ZFC3H1: variants seen among roughly 807,000 people sequenced by gnomAD.
The protein encoded by ZFC3H1 is zinc finger C3H1-type containing.
A neutral mutation model predicts 243.7 loss-of-function variants in ZFC3H1; 71 were observed. That is an observed-to-expected ratio of 0.29 (90% CI 0.24 to 0.36). The LOEUF (loss-of-function observed/expected upper bound fraction) is 0.36, where lower values mean the gene tolerates loss of function less well. ZFC3H1 is among the 10% of genes least tolerant of loss of function. The probability of loss-of-function intolerance (pLI) is 1.00; values close to 1 mark genes in which losing one functional copy is unlikely to be tolerated. For synonymous variants in ZFC3H1, 838 were observed against 813.0 expected (o/e 1.03, Z -0.52); for missense variants, 1,966 against 2,317.1 (o/e 0.85, Z 3.11).
chr12:71,635,514 C>T lies in ZFC3H1; in HGVS notation c.2167G>A (p.Ala723Thr), dbSNP rs748526130. The change falls in exon 10 of 35, where the codon GCT becomes ACT. Residue 723 changes from alanine (A) to threonine (T), a missense_variant. Around this residue, in one of 4 missense-constraint regions of ZFC3H1, gnomAD observed 1,383 missense variants for 1,723.7 expected, o/e 0.80. Coordinates refer to ENST00000378743, the MANE Select transcript of ZFC3H1 (RefSeq NM_144982.5). Reference sequence around the variant, plus strand: ...AAAACACTATTTGTTGACTTGGAAGCCTCTCCATCAGATTCACTATCATCT... The same window carrying T: ...AAAACACTATTTGTTGACTTGGAAGTCTCTCCATCAGATTCACTATCATCT... ...DSDDSESDGE[A>T]SKSTNSVFGG... 38 of 1,566,982 alleles carry T rather than the reference C, an allele frequency of 2.4e-5. 1 individual carries two copies. In the African/African-American group the frequency reaches 4.1e-4, roughly 17 times the overall value.
chr12:71,620,349 T>C, intron 24 of ZFC3H1, 34 bp from the exon 25 acceptor site: 2 of 1,601,732 alleles, frequency 1.2e-6, no homozygotes, highest in South Asian at 2.2e-5. Flanking sequence ...ATGAATCACG[T>C]CAATCATAAA....
chr12:71,619,367 C>G lies in ZFC3H1; in HGVS notation c.5092G>C (p.Ala1698Pro). Reference protein sequence around the residue: ...NLLPFLRKFIASFFKPGFEKY... With the variant: ...NLLPFLRKFIPSFFKPGFEKY... Reference sequence around the variant, plus strand: ...TCAAACCCCGGTTTAAAGAAGGATGCAATAAATTTCCGCAAAAATGGAAGA... The same window carrying G: ...TCAAACCCCGGTTTAAAGAAGGATGGAATAAATTTCCGCAAAAATGGAAGA... Residue 1698 changes from alanine (A) to proline (P), a missense_variant, in exon 27 of 35, where the codon GCA (alanine) becomes CCA (proline). Transcript: ENST00000378743. 1 of 1,613,372 alleles carries G rather than the reference C, an allele frequency of 6.2e-7. No homozygotes were observed. The highest frequency in any genetic ancestry group is 8.5e-7 in the Non-Finnish European group (1 of 1,179,730).
Position 71,615,300 on chromosome 12 carries a change from G to A in ZFC3H1, c.5161C>T (p.Pro1721Ser), listed in dbSNP as rs756350822. The part of the protein sequence containing the change: ...LDLFRYLLNI[P>S]GPIDIPSRLC... ...CGAGATGGAATGTCAATTGGTCCTG[G>A]AATATTTAAGAGATACCTGAAAAAA... is the stretch of plus-strand genomic sequence containing the variant. Residue 1721 changes from proline to serine, a missense_variant, in exon 28 of 35, where the codon CCA becomes TCA. Pro to Ser is a moderately conservative substitution (Grantham distance 74). This residue lies in a region of ZFC3H1 where 1,383 missense variants were observed against 1,723.7 expected (regional missense o/e 0.80). Coordinates refer to ENST00000378743, the MANE Select transcript of ZFC3H1 (RefSeq NM_144982.5). The A allele has an allele frequency of 3.1e-6, 5 of 1,608,728 alleles. No homozygotes were observed. The South Asian group carries it at 4.4e-5, about 14-fold the overall frequency.
In ZFC3H1 at chr12:71,645,066, C is replaced by T; in HGVS notation, c.1090G>A (p.Glu364Lys). 1 of 1,595,254 alleles carries T rather than the reference C, an allele frequency of 6.3e-7. No individual in the cohort carries two copies. Among genetic ancestry groups the T allele is most frequent in the Middle Eastern group, 1.8e-4 (1 of 5,572 alleles). Residue 364 changes from glutamate to lysine, a missense_variant, in exon 4 of 35, where the codon GAA becomes AAA. Physicochemically the swap from Glu to Lys is moderately conservative, Grantham distance 56. Transcript: ENST00000378743. ...AATTCAGATAGTTCCTCTTCATCTTCACCAAGTTTCTTTAAAGCAAAAAGA... is the reference window on the plus strand; with the variant it reads ...AATTCAGATAGTTCCTCTTCATCTTTACCAAGTTTCTTTAAAGCAAAAAGA... ...SDILSEKKLG[E>K]DEEELSELQL...
chr12:71,661,535 T>C (rs1474546994), intron 1 of ZFC3H1, among the ~76,000 whole-genome samples: 1 of 145,130 alleles, frequency 6.9e-6, no homozygotes, highest in South Asian at 2.2e-4. Context: ...CAGGATGGAG[T>C]GCAGTGGTGC....
rs761708297 is a variant in ZFC3H1, at chr12:71,632,222, G to C, written c.3110C>G (p.Ser1037Cys). The change falls in exon 15 of 35, where the codon TCT becomes TGT. Residue 1037 changes from serine to cysteine, a missense_variant. Physicochemically the swap from Ser to Cys is moderately radical, Grantham distance 112 (BLOSUM62 -1). This residue lies in a region of ZFC3H1 where 1,383 missense variants were observed against 1,723.7 expected (regional missense o/e 0.80). Transcript: ENST00000378743. ...TCTTCTTCGCTCTCTGCTTGAACCA[G>C]ACAAAATTTCATCATCAACATCATT... ...EENDVDDEILSGSSRERRRSF... is the reference protein window; with the variant it reads ...EENDVDDEILCGSSRERRRSF... 1 of 1,611,216 alleles carries C rather than the reference G, an allele frequency of 6.2e-7. No homozygotes were observed. Among genetic ancestry groups the C allele is most frequent in the African/African-American group, 1.3e-5 (1 of 74,746 alleles).
At chr12:71,610,921 C>T in intron 33 of ZFC3H1, 137 bp downstream of exon 33, 1 of 1,442,076 alleles carries the variant, frequency 6.9e-7, no homozygotes. Context: ...ATGTTAACTA[C>T]TTTTGTTTCC....
chr12:71,631,762 A>G lies in ZFC3H1; in HGVS notation c.3470+16T>C. On this transcript the variant is annotated intron_variant, in intron 16 of 34. Transcript: ENST00000378743. Reference sequence around the variant, plus strand: ...GAAATCCTGAAATTCAAGCTTATTGAATCTTTCTTTTATACCTGTAGGACT... The same window carrying G: ...GAAATCCTGAAATTCAAGCTTATTGGATCTTTCTTTTATACCTGTAGGACT... The G allele has an allele frequency of 6.4e-7, 1 of 1,557,622 alleles. No individual in the cohort carries two copies.
At position 71,613,386 on chromosome 12, in the gene ZFC3H1, G is replaced by A. The variant is rs1215126067; in HGVS notation, c.5576C>T (p.Thr1859Ile). 3 of 1,609,890 alleles carry A rather than the reference G, an allele frequency of 1.9e-6. No individual in the cohort carries two copies. Among genetic ancestry groups the A allele is most frequent in the Admixed American group, 1.7e-5 (1 of 59,722 alleles). ...SCVPKTQHSK[T>I]LERFCSVMPA... ...CATAACTGAACAAAACCGTTCCAAG[G>A]TTTTGGAATGCTGGGTCTTTGGAAC... The change falls in exon 31 of 35, where the codon ACC becomes ATC. Residue 1859 changes from threonine (T) to isoleucine (I), a missense_variant. This residue lies in a region of ZFC3H1 where 1,383 missense variants were observed against 1,723.7 expected (regional missense o/e 0.80). Coordinates refer to ENST00000378743, the MANE Select transcript of ZFC3H1 (RefSeq NM_144982.5).
At chr12:71,616,175 A>G (rs961403738) in intron 27 of ZFC3H1, among the ~76,000 whole-genome samples, 1 of 152,162 alleles carries the variant, frequency 6.6e-6, no homozygotes, top group Non-Finnish European at 1.5e-5. Flanking sequence ...ATGCACACCT[A>G]CAGTCCCAGC....
At chr12:71,656,811 A>C (rs2137563210) in intron 2 of ZFC3H1, 74 bp downstream of exon 2, 1 of 1,418,820 alleles carries the variant, frequency 7.0e-7, no homozygotes, top group East Asian at 2.3e-5. Context: ...TCAATGAAGT[A>C]CACTGCCAAA....
At chr12:71,610,780 A>G in intron 33 of ZFC3H1, 23 bp from the exon 34 acceptor site, 1 of 1,600,800 alleles carries the variant, frequency 6.2e-7, no homozygotes. Flanking sequence ...TATACACACA[A>G]TTCCATCAGA....
chr12:71,621,929 A>G (rs17110026), intron 24 of ZFC3H1, among the ~76,000 whole-genome samples: 3,697 of 151,986 alleles, frequency 0.024, 165 homozygotes, highest in African/African-American at 0.085. Context: ...TTTTCCTACC[A>G]TTGGTATAAT....
intron 2 of ZFC3H1, among the ~76,000 whole-genome samples, chr12:71,652,962 A>C (rs1172735853): frequency 6.7e-6 from 1 of 149,386 alleles, no homozygotes; most frequent in Non-Finnish European, 1.5e-5. Flanking sequence ...AAAAAAAAAC[A>C]ACGACCATCT....
intron 3 of ZFC3H1, among the ~76,000 whole-genome samples, chr12:71,646,467 G>A (rs1426942637): frequency 6.6e-6 from 1 of 152,108 alleles, no homozygotes; most frequent in Non-Finnish European, 1.5e-5. Flanking sequence ...GCCACATGTA[G>A]CTAACAGCTA....
At chr12:71,628,854 T>C in intron 20 of ZFC3H1, 64 bp downstream of exon 20, 1 of 1,495,592 alleles carries the variant, frequency 6.7e-7, no homozygotes, top group Non-Finnish European at 8.9e-7. Flanking sequence ...ATTAGCAAAG[T>C]GTTAAATAAA....
At position 71,635,547 on chromosome 12, in the gene ZFC3H1, T is replaced by TTAGTGTTACAACCACTGATTTATG; in HGVS notation, c.2110_2133dup (p.His704_Leu711dup). On this transcript the variant is annotated inframe_insertion, in exon 10 of 35. Transcript: ENST00000378743. The stretch of plus-strand genomic sequence containing the variant: ...TCAGATTCACTATCATCTGAATCAT[T>TTAGTGTTACAACCACTGATTTATG]TAGTGTTACAACCACTGATTTATGC... 1 of 1,560,654 alleles carries TTAGTGTTACAACCACTGATTTATG rather than the reference T, an allele frequency of 6.4e-7. No homozygotes were observed. The highest frequency in any genetic ancestry group is 8.6e-7 in the Non-Finnish European group (1 of 1,162,962).
chr12:71,615,666 C>A (rs890512617), intron 27 of ZFC3H1, among the ~76,000 whole-genome samples: 1 of 151,988 alleles, frequency 6.6e-6, no homozygotes, highest in Non-Finnish European at 1.5e-5. Flanking sequence ...TACAGGCATG[C>A]ATCACCACAC....
chr12:71,624,318 AATGT>A, intron 22 of ZFC3H1, 26 bp from the exon 23 acceptor site: 1 of 1,551,128 alleles, frequency 6.4e-7, no homozygotes, highest in Non-Finnish European at 8.7e-7. Context: ...TTATATTATT[AATGT>A]TGCCTTTCAG....
Sources: allele counts gnomAD v4.1 joint callset (sites outside exome capture counted in the v4.1 genomes callset), GRCh38; gene constraint gnomAD v4.1.1; regional missense constraint gnomAD v4.1.1; transcripts MANE v1.5; gene names NCBI Gene and HGNC (gene_info 2026-07-23, HGNC 2026-07-21).